Variants in USP2 observed in about 807,000 individuals in gnomAD.
The protein encoded by USP2 is ubiquitin specific peptidase 2.
USP2 carries 33 observed loss-of-function variants against 72.0 expected under a neutral mutation model. The ratio of observed to expected loss-of-function variants is 0.46; its 90% CI spans 0.35 to 0.61. USP2 has a LOEUF of 0.61. USP2 is among the 20% of genes least tolerant of loss of function. The probability of loss-of-function intolerance (pLI) is 0.01; values close to 1 mark genes in which losing one functional copy is unlikely to be tolerated. For synonymous variants in USP2, 296 were observed against 312.5 expected, an observed-to-expected ratio of 0.95 and a Z score of 0.56; for missense variants, 691 against 797.8, an observed-to-expected ratio of 0.87 and a Z score of 1.61.
intron 2 of USP2, among the ~76,000 whole-genome samples, chr11:119,369,072 GC>G (rs1232782824): frequency 1.3e-5 from 2 of 152,188 alleles, no homozygotes; most frequent in Non-Finnish European, 2.9e-5. Flanking sequence ...GCAGGGCTGA[GC>G]CACCTGAGCT....
chr11:119,373,601 G>C (rs1950964532), intron 1 of USP2, 80 bp from the exon 2 acceptor site: 1 of 1,325,232 alleles, frequency 7.5e-7, no homozygotes, highest in South Asian at 1.6e-5. Flanking sequence ...TCCTCAGCTG[G>C]GCCAGAACCT....
intron 1 of USP2, among the ~76,000 whole-genome samples, chr11:119,374,211 T>C (rs996857194): frequency 2.6e-5 from 4 of 152,242 alleles, no homozygotes; most frequent in African/African-American, 9.6e-5. Flanking sequence ...CTCACTTCAC[T>C]GAGCTAAGCT....
chr11:119,359,046 G>A lies in USP2; in HGVS notation c.1150C>T (p.Pro384Ser). Residue 384 changes from proline to serine, a missense_variant, in exon 6 of 13, where the codon CCT (proline) becomes TCT (serine). Physicochemically the swap from Pro to Ser is moderately conservative, Grantham distance 74 (BLOSUM62 -1). Coordinates refer to ENST00000260187, the MANE Select transcript of USP2 (RefSeq NM_004205.5). ...TACGGAAGATGATCGAGGTTCTCAG[G>A]GTTGGACTTAGGTCTCAGTGTCACT... ...NRVTLRPKSN[P>S]ENLDHLPDDE... 2 of 1,614,022 alleles carry A rather than the reference G, an allele frequency of 1.2e-6. No homozygotes were observed. The highest frequency in any genetic ancestry group is 1.7e-6 in the Non-Finnish European group (2 of 1,180,018).
Position 119,358,807 on chromosome 11 carries a change from T to G in USP2, c.1203A>C (p.Arg401Ser). Residue 401 changes from arginine to serine, a missense_variant, in exon 7 of 13, where the codon AGA (arginine) becomes AGC (serine). Coordinates refer to ENST00000260187, the MANE Select transcript of USP2 (RefSeq NM_004205.5). ...PDDEKGRQMW[R>S]KYLEREDSRI... ...TACTGTCTTCCCGTTCTAGATATTT[T>G]CTCCACATCTGTCGGCCTTTCTCGT... 6.2e-7 allele frequency: 1 copy of G among 1,614,086 alleles called. No individual in the cohort carries two copies. The highest frequency in any genetic ancestry group is 8.5e-7 in the Non-Finnish European group (1 of 1,180,042).
At chr11:119,372,644 CTGGCTGTTCTCCATCAG>C in intron 2 of USP2, 46 bp downstream of exon 2, 1 of 1,466,852 alleles carries the variant, frequency 6.8e-7, no homozygotes, top group South Asian at 1.4e-5. Flanking sequence ...AGCCCTCAGC[CTGGCTGTTCTCCATCAG>C]TGGCTGCCTC....
rs558276463 is a variant in USP2, at chr11:119,373,294, G to T, written c.187C>A (p.Pro63Thr). 3 of 1,613,842 alleles carry T rather than the reference G, an allele frequency of 1.9e-6. No homozygotes were observed. Among genetic ancestry groups the T allele is most frequent in the African/African-American group, 1.3e-5 (1 of 75,036 alleles). Residue 63 changes from proline (P) to threonine (T), a missense_variant, in exon 2 of 13, where the codon CCC becomes ACC. Physicochemically the swap from Pro to Thr is conservative, Grantham distance 38. Transcript: ENST00000260187. ...AGGGAGGAGGGGCCATAGGTACGGG[G>T]ACGGGTGAGGAAGCTGCTGGTGGGG... is the stretch of plus-strand genomic sequence containing the variant. Reference protein sequence around the residue: ...PVPTSSFLTRPRTYGPSSLLD... With the variant: ...PVPTSSFLTRTRTYGPSSLLD...
In USP2 at chr11:119,381,585, C is replaced by A; in HGVS notation, c.-154G>T. 1 of 1,528,990 alleles carries A rather than the reference C, an allele frequency of 6.5e-7. No homozygotes were observed. Among genetic ancestry groups the A allele is most frequent in the Non-Finnish European group, 8.8e-7 (1 of 1,140,746 alleles). The allele number at this position is 1,528,990 out of a possible 1,614,324, so 94.7% of individuals were successfully genotyped here. On this transcript the variant is annotated 5_prime_UTR_variant, in exon 1 of 13. Coordinates refer to ENST00000260187, the MANE Select transcript of USP2 (RefSeq NM_004205.5). ...GAGCACCAGCTGACGAAGAGGGCTC[C>A]CCGGCCTCGGCTCCTGCCTGACTCT...
chr11:119,381,113 G>A (rs749552118), intron 1 of USP2, among the ~76,000 whole-genome samples: 1 of 152,130 alleles, frequency 6.6e-6, no homozygotes, highest in East Asian at 1.9e-4. Context: ...CAAACTGACC[G>A]GGGAGCTTTA....
Position 119,375,862 on chromosome 11 carries a change from T to C in USP2, c.-41-2341A>G, listed in dbSNP as rs1253546120. Among the ~76,000 whole-genome samples the C allele has an allele frequency of 3.3e-5, 5 of 151,898 alleles. No individual in the cohort carries two copies. The East Asian group carries it at 9.7e-4, about 29-fold the overall frequency. ...GCAGAAGTGCTGGGGCCAAACGAGG[T>C]CCAGAGGACAGGGACAGACAGCTCT... On this transcript the variant is annotated intron_variant, in intron 1 of 12. Transcript: ENST00000260187.
chr11:119,356,942 T>A lies in USP2; in HGVS notation c.1731-20A>T, dbSNP rs1236895437. The A allele has an allele frequency of 6.4e-7, 1 of 1,550,454 alleles. No individual in the cohort carries two copies. Among genetic ancestry groups the A allele is most frequent in the Non-Finnish European group, 8.7e-7 (1 of 1,147,888 alleles). ...GTGACGCTGCGGAGAGAGCGGGGAG[T>A]CAGCCCGGAGCGGGCAGGACCGGGA... On this transcript the variant is annotated intron_variant, in intron 12 of 12. Transcript: ENST00000260187.
rs1183055153 is a variant in USP2, at chr11:119,359,222, G to C, written c.1061+9C>G. On this transcript the variant is annotated intron_variant, in intron 5 of 12. Transcript: ENST00000260187. ...CCCACCTGAGAGGACATGTCTGCAA[G>C]GCCCTTACTTATAGCCAACAAAGCG... 1 of 1,613,092 alleles carries C rather than the reference G, an allele frequency of 6.2e-7. No individual in the cohort carries two copies. Among genetic ancestry groups the C allele is most frequent in the Non-Finnish European group, 8.5e-7 (1 of 1,179,278 alleles).
intron 2 of USP2, among the ~76,000 whole-genome samples, chr11:119,367,344 G>A (rs558015012): frequency 6.6e-6 from 1 of 152,336 alleles, no homozygotes; most frequent in Admixed American, 6.5e-5. Flanking sequence ...GTTAGGGCTA[G>A]CTCTATGAGG....
intron 2 of USP2, chr11:119,363,844 C>A: frequency 7.2e-7 from 1 of 1,395,142 alleles, no homozygotes; most frequent in East Asian, 3.2e-5. Flanking sequence ...AAAGGGCCCG[C>A]GTACCTTGGC....
chr11:119,371,654 G>A (rs1314758570), intron 2 of USP2, among the ~76,000 whole-genome samples: 1 of 152,194 alleles, frequency 6.6e-6, no homozygotes, highest in Non-Finnish European at 1.5e-5. Flanking sequence ...CCTCCAAGCA[G>A]TATTTCTTGC....
At chr11:119,375,515 G>A (rs73006936) in intron 1 of USP2, among the ~76,000 whole-genome samples, 259 of 152,320 alleles carry the variant, frequency 1.7e-3, no homozygotes, top group Non-Finnish European at 2.5e-3. Flanking sequence ...AGGTAACTGG[G>A]GGATGATGTC....
At chr11:119,356,994 C>T in intron 12 of USP2, 72 bp from the exon 13 acceptor site, 1 of 1,523,884 alleles carries the variant, frequency 6.6e-7, no homozygotes, top group Non-Finnish European at 8.9e-7. Flanking sequence ...CTTTCTGTGC[C>T]CCCGAGGCCG....
intron 2 of USP2, among the ~76,000 whole-genome samples, chr11:119,372,110 C>T (rs1335337082): frequency 6.6e-6 from 1 of 152,194 alleles, no homozygotes; most frequent in Non-Finnish European, 1.5e-5. Flanking sequence ...TGGATTGTCT[C>T]AAGCCCTAGA....
Position 119,360,184 on chromosome 11 carries a change from C to T in USP2, c.825G>A (p.Thr275=), listed in dbSNP as rs199771100. ...AAGAAGCAGGCCAGGAAAAACTCAC[C>T]GTGTTCCCAAGGTTTCGAAGACCAG... ...GLAGLRNLGN[T]CFMNSILQCL... The change falls in exon 3 of 13, where the codon ACG becomes ACA. Residue 275 remains threonine (T), a splice_region_variant and synonymous_variant. Coordinates refer to ENST00000260187, the MANE Select transcript of USP2 (RefSeq NM_004205.5). 15 of 1,613,406 alleles carry T rather than the reference C, an allele frequency of 9.3e-6. No individual in the cohort carries two copies. The highest frequency in any genetic ancestry group is 3.3e-5 in the South Asian group (3 of 90,980).
Position 119,356,450 on chromosome 11 carries a change from T to G in USP2, c.*385A>C. On this transcript the variant is annotated 3_prime_UTR_variant, in exon 13 of 13. Coordinates refer to ENST00000260187, the MANE Select transcript of USP2 (RefSeq NM_004205.5). The stretch of plus-strand genomic sequence containing the variant: ...CGCGGCGCGGGCGTCCAGGCGGTGA[T>G]GCTCCCAGCGAGCTCCAGAGGGCGC... The G allele has an allele frequency of 5.6e-6, 1 of 177,186 alleles. No individual in the cohort carries two copies. The allele number at this position is 177,186 out of a possible 1,614,324, so 11.0% of individuals were successfully genotyped here. A position where few individuals can be genotyped will look rare whatever the true frequency, so the allele number is the denominator to read the frequency against.
Sources: gnomAD v4.1 joint callset for allele counts (sites outside exome capture counted in the v4.1 genomes callset) on GRCh38, gnomAD v4.1.1 for gene constraint, MANE v1.5 for transcripts, NCBI Gene and HGNC (gene_info 2026-07-23, HGNC 2026-07-21) for gene names.